The following NLE1 variants were observed in gnomAD, a reference collection of about 807,000 sequenced individuals.
NLE1 encodes the protein notchless protein homolog 1.
Under a neutral mutation model 62.8 loss-of-function variants are expected in NLE1, and 37 were observed. That is an observed-to-expected ratio of 0.59 (90% CI 0.45 to 0.78). The LOEUF (loss-of-function observed/expected upper bound fraction) is 0.78, where lower values mean the gene tolerates loss of function less well. Among genes scored for constraint, NLE1 ranks in the 30% least tolerant of loss-of-function variants. NLE1 has a pLI of 0.00. For missense variants in NLE1, 555 were observed against 637.9 expected (o/e 0.87, Z 1.40); for synonymous variants, 243 against 253.0 (o/e 0.96, Z 0.37).
chr17:35,129,152 TGGCCCAAGG>T lies in NLE1; in HGVS notation c.*3276_*3284del. On this transcript the variant is annotated 3_prime_UTR_variant, in exon 13 of 13. Transcript: ENST00000442241. ...CAGGCCATGGACTGCTATCAGTTGG[TGGCCCAAGG>T]GTTGAGGACCCCTGGCGTATAAGAA... The T allele has an allele frequency of 2.6e-6, 1 of 390,748 alleles. No homozygotes were observed. The highest frequency in any genetic ancestry group is 4.8e-6 in the Non-Finnish European group (1 of 209,640). The allele number at this position is 390,748 out of a possible 1,614,324, so 24.2% of individuals were successfully genotyped here.
At chr17:35,141,656 T>C (rs548928109) in intron 2 of NLE1, among the ~76,000 whole-genome samples, 1 of 152,186 alleles carries the variant, frequency 6.6e-6, no homozygotes, top group South Asian at 2.1e-4. Context: ...CATAGCATCG[T>C]GCAAAATACT....
Position 35,139,223 on chromosome 17 carries a change from T to C in NLE1, c.460+12A>G, listed in dbSNP as rs1425821609. 2 of 1,612,082 alleles carry C rather than the reference T, an allele frequency of 1.2e-6. No homozygotes were observed. The highest frequency in any genetic ancestry group is 1.7e-6 in the Non-Finnish European group (2 of 1,178,684). On this transcript the variant is annotated intron_variant, in intron 4 of 12. Coordinates refer to ENST00000442241, the MANE Select transcript of NLE1 (RefSeq NM_018096.5). ...AAAAGAAGACCCCCTAAATGGCTAA[T>C]TGCATACTGACCCTTGCATGTGAAA...
intron 2 of NLE1, among the ~76,000 whole-genome samples, chr17:35,141,608 A>G (rs2091944524): frequency 6.6e-6 from 1 of 151,858 alleles, no homozygotes; most frequent in African/African-American, 2.4e-5. Flanking sequence ...GGGTATTCGG[A>G]TAGTTTTGGG....
At chr17:35,132,955 T>A (rs1392925750) in intron 12 of NLE1, among the ~76,000 whole-genome samples, 1 of 151,886 alleles carries the variant, frequency 6.6e-6, no homozygotes, top group Non-Finnish European at 1.5e-5. Context: ...GGACGCGCCC[T>A]CTACGAGGTG....
intron 10 of NLE1, among the ~76,000 whole-genome samples, chr17:35,133,876 T>A (rs920312440): frequency 6.6e-6 from 1 of 152,114 alleles, no homozygotes; most frequent in Non-Finnish European, 1.5e-5. Context: ...AACTTTCACG[T>A]CAACACAGTC....
At chr17:35,141,271 G>A (rs2091941838) in intron 2 of NLE1, among the ~76,000 whole-genome samples, 1 of 152,206 alleles carries the variant, frequency 6.6e-6, no homozygotes, top group African/African-American at 2.4e-5. Flanking sequence ...GCAAAGGCCG[G>A]GTGCGGTGGC....
chr17:35,142,261 C>G lies in NLE1; in HGVS notation c.15G>C (p.Val5=). 2 of 1,544,648 alleles carry G rather than the reference C, an allele frequency of 1.3e-6. No individual in the cohort carries two copies. Among genetic ancestry groups the G allele is most frequent in the Non-Finnish European group, 1.7e-6 (2 of 1,147,936 alleles). ...GCCCCCATCCACGCACACCCACCGGCACTGCTGCCGCCATCCTGCGTCCCC... is the reference window on the plus strand; with the variant it reads ...GCCCCCATCCACGCACACCCACCGGGACTGCTGCCGCCATCCTGCGTCCCC... MAAA[V]PDEAVARDVQ... The change falls in exon 1 of 13, where the codon GTG becomes GTC. Residue 5 remains valine, a synonymous_variant. Transcript: ENST00000442241.
rs887051531 is a variant in NLE1 at position 35,136,991 on chromosome 17, C to T, written c.828+10G>A. 1 of 1,586,418 alleles carries T rather than the reference C, an allele frequency of 6.3e-7. No homozygotes were observed. The highest frequency in any genetic ancestry group is 2.3e-5 in the East Asian group (1 of 44,214). On this transcript the variant is annotated intron_variant, in intron 7 of 12. Transcript: ENST00000442241. The stretch of plus-strand genomic sequence containing the variant: ...TTCTGGACTGGTTTCTGAACCCTCC[C>T]AGCACTTACGTCATGAGCTCTCCAG...
chr17:35,141,917 T>C (rs2091946474), intron 2 of NLE1, 62 bp downstream of exon 2: 15 of 1,508,190 alleles, frequency 9.9e-6, no homozygotes, highest in Non-Finnish European at 1.3e-5. Flanking sequence ...CTCGGTAATA[T>C]GATTCCCCCA....
Position 35,137,021 on chromosome 17 carries a change from T to C in NLE1, c.808A>G (p.Lys270Glu). 6.2e-7 allele frequency: 1 copy of C among 1,608,324 alleles called. No individual in the cohort carries two copies. The highest frequency in any genetic ancestry group is 8.5e-7 in the Non-Finnish European group (1 of 1,175,610). ...LYSASQDRTI[K>E]VWRAHDGVLC... is the part of the protein sequence containing the mutation. Reference sequence around the variant, plus strand: ...CTTACGTCATGAGCTCTCCAGACTTTGATGGTGCGGTCCTGGGAGGCAGAG... The same window carrying C: ...CTTACGTCATGAGCTCTCCAGACTTCGATGGTGCGGTCCTGGGAGGCAGAG... The change falls in exon 7 of 13, where the codon AAA becomes GAA. Residue 270 changes from lysine to glutamate, a missense_variant. Coordinates refer to ENST00000442241, the MANE Select transcript of NLE1 (RefSeq NM_018096.5).
rs557687756 is a variant in NLE1, at chr17:35,130,344, G to A, written c.*2093C>T. ...AGAACTACCCCATCCAGATCACCGTGCGGCGCAAGGAACCCCGGCAAAAGA... is the reference window on the plus strand; with the variant it reads ...AGAACTACCCCATCCAGATCACCGTACGGCGCAAGGAACCCCGGCAAAAGA... On this transcript the variant is annotated 3_prime_UTR_variant, in exon 13 of 13. Transcript: ENST00000442241. 1.2e-6 allele frequency: 2 copies of A among 1,614,138 alleles called. No homozygotes were observed. Among genetic ancestry groups the A allele is most frequent in the Admixed American group, 1.7e-5 (1 of 60,008 alleles).
Position 35,130,336 on chromosome 17 carries a change from A to G in NLE1, c.*2101T>C, listed in dbSNP as rs2091869172. On this transcript the variant is annotated 3_prime_UTR_variant, in exon 13 of 13. Coordinates refer to ENST00000442241, the MANE Select transcript of NLE1 (RefSeq NM_018096.5). ...CTTTCCTGAGAACTACCCCATCCAG[A>G]TCACCGTGCGGCGCAAGGAACCCCG... is the stretch of plus-strand genomic sequence containing the variant. 6.2e-7 allele frequency: 1 copy of G among 1,614,138 alleles called. No individual in the cohort carries two copies. Among genetic ancestry groups the G allele is most frequent in the Admixed American group, 1.7e-5 (1 of 60,004 alleles).
Position 35,130,205 on chromosome 17 carries a change from A to G in NLE1, c.*2232T>C. The G allele has an allele frequency of 2.6e-6, 4 of 1,543,884 alleles. No homozygotes were observed. Among genetic ancestry groups the G allele is most frequent in the South Asian group, 1.3e-5 (1 of 79,526 alleles). On this transcript the variant is annotated 3_prime_UTR_variant, in exon 13 of 13. Coordinates refer to ENST00000442241, the MANE Select transcript of NLE1 (RefSeq NM_018096.5). ...GTCTGAGTCAGCAGACAGAAAAAAA[A>G]GGGGTGATAGAGACAGAGAGAGAGC...
Position 35,138,530 on chromosome 17 carries a change from G to A in NLE1, c.461-640C>T, listed in dbSNP as rs546299672. 4.1e-3 allele frequency among the ~76,000 whole-genome samples: 631 copies of A among 152,176 alleles called. 6 individuals carry two copies. The highest frequency in any genetic ancestry group is 0.014 in the African/African-American group (570 of 41,520). ...GCCATCTCGGCTCACTGCAACCTCC[G>A]CCTCCTAGATTCGAGCAATTCTTCT... On this transcript the variant is annotated intron_variant, in intron 4 of 12. Transcript: ENST00000442241.
intron 4 of NLE1, among the ~76,000 whole-genome samples, chr17:35,138,577 G>C (rs2091923852): frequency 1.3e-5 from 2 of 152,156 alleles, no homozygotes; most frequent in South Asian, 4.1e-4. Flanking sequence ...CCCAGTGGCT[G>C]GGATTACAAG....
Position 35,136,229 on chromosome 17 carries a change from C to A in NLE1, c.965-14G>T, listed in dbSNP as rs1255822983. ...TCAACTCCTGCACTGTGACCAGGTA[C>A]CGGAGGGGAGAAAAGGAGATGAGGA... On this transcript the variant is annotated splice_polypyrimidine_tract_variant and intron_variant, in intron 8 of 12. Coordinates refer to ENST00000442241, the MANE Select transcript of NLE1 (RefSeq NM_018096.5). 6.2e-7 allele frequency: 1 copy of A among 1,613,944 alleles called. No homozygotes were observed. Among genetic ancestry groups the A allele is most frequent in the Admixed American group, 1.7e-5 (1 of 60,004 alleles).
rs747455206 is a variant in NLE1 at position 35,142,259 on chromosome 17, G to T, written c.17C>A (p.Pro6Gln). 6.5e-7 allele frequency: 1 copy of T among 1,547,162 alleles called. No individual in the cohort carries two copies. Among genetic ancestry groups the T allele is most frequent in the East Asian group, 2.4e-5 (1 of 41,118 alleles). Residue 6 changes from proline to glutamine, a missense_variant and splice_region_variant, in exon 1 of 13, where the codon CCG becomes CAG. Transcript: ENST00000442241. The part of the protein sequence containing the change: MAAAV[P>Q]DEAVARDVQR... ...CCGCCCCCATCCACGCACACCCACC[G>T]GCACTGCTGCCGCCATCCTGCGTCC...
rs2091876198 is a variant in NLE1 at position 35,131,561 on chromosome 17, T to G, written c.*876A>C. On this transcript the variant is annotated 3_prime_UTR_variant, in exon 13 of 13. Coordinates refer to ENST00000442241, the MANE Select transcript of NLE1 (RefSeq NM_018096.5). Reference sequence around the variant, plus strand: ...TTCCTCTGTATCAACAATACCCACTTCTGCTCAGAGCTCATACTGCTGCCT... The same window carrying G: ...TTCCTCTGTATCAACAATACCCACTGCTGCTCAGAGCTCATACTGCTGCCT... The G allele has an allele frequency of 6.6e-6, 1 of 152,236 alleles. No individual in the cohort carries two copies. The highest frequency in any genetic ancestry group is 1.5e-5 in the Non-Finnish European group (1 of 68,076). 9.4% of individuals were successfully genotyped at this position (152,236 alleles called of 1,614,324 possible).
Position 35,139,254 on chromosome 17 carries a change from T to C in NLE1, c.441A>G (p.Thr147=). 6.2e-7 allele frequency: 1 copy of C among 1,613,884 alleles called. No individual in the cohort carries two copies. Among genetic ancestry groups the C allele is most frequent in the Non-Finnish European group, 8.5e-7 (1 of 1,179,866 alleles). The change falls in exon 4 of 13, where the codon ACA becomes ACG. Residue 147 remains threonine, a synonymous_variant. Coordinates refer to ENST00000442241, the MANE Select transcript of NLE1 (RefSeq NM_018096.5). ...TVRFWDLSTE[T]PHFTCKGHRH... ...ACTGACCCTTGCATGTGAAATGTGGTGTCTCTGTGCTGAGATCCCAGAAGC... is the reference window on the plus strand; with the variant it reads ...ACTGACCCTTGCATGTGAAATGTGGCGTCTCTGTGCTGAGATCCCAGAAGC...
Sources: allele counts gnomAD v4.1 joint callset (sites outside exome capture counted in the v4.1 genomes callset), GRCh38; gene constraint gnomAD v4.1.1; transcripts MANE v1.5; gene names NCBI Gene and HGNC (gene_info 2026-07-23, HGNC 2026-07-21).